SLC4A8: variants seen among roughly 807,000 people sequenced by gnomAD.
SLC4A8 encodes electroneutral sodium bicarbonate exchanger 1.
Under a neutral mutation model 125.0 loss-of-function variants are expected in SLC4A8, and 40 were observed. That is an observed-to-expected ratio of 0.32 (90% CI 0.25 to 0.42). The LOEUF is 0.42. Ranked by LOEUF, SLC4A8 falls within the 10% of genes least tolerant of loss-of-function variation. The pLI, the probability that SLC4A8 is intolerant of heterozygous loss-of-function variation, is 1.00. For missense variants in SLC4A8, 863 were observed against 1,355.1 expected (o/e 0.64, Z 5.70); for synonymous variants, 456 against 476.0 (o/e 0.96, Z 0.55).
At chr12:51,422,067 T>A (rs1441295089), upstream of SLC4A8, 1 of 152,220 alleles carries the variant, frequency 6.6e-6, no homozygotes, top group Non-Finnish European at 1.5e-5. Flanking sequence ...GCACGATACA[T>A]AGGTTCTCAG....
chr12:51,469,599 G>T lies in SLC4A8; in HGVS notation c.1350-15G>T. On this transcript the variant is annotated splice_polypyrimidine_tract_variant and intron_variant, in intron 11 of 24. Coordinates refer to ENST00000453097, the MANE Select transcript of SLC4A8 (RefSeq NM_001039960.3). ...GACGGACTGTGTTAGAAGCCTGTCTGTTGTGTTTCCACAGGCTATTTGGGG... is the reference window on the plus strand; with the variant it reads ...GACGGACTGTGTTAGAAGCCTGTCTTTTGTGTTTCCACAGGCTATTTGGGG... 1 of 1,611,296 alleles carries T rather than the reference G, an allele frequency of 6.2e-7. No individual in the cohort carries two copies. The highest frequency in any genetic ancestry group is 8.5e-7 in the Non-Finnish European group (1 of 1,178,640).
At chr12:51,497,710 T>C (rs372380203) in intron 22 of SLC4A8, 4 of 152,348 alleles carry the variant, frequency 2.6e-5, no homozygotes, top group South Asian at 4.1e-4. Flanking sequence ...CCTAAAATAG[T>C]GTCCTTTGAA....
upstream of SLC4A8, among the ~76,000 whole-genome samples, chr12:51,421,242 G>C (rs1948783961): frequency 6.6e-6 from 1 of 152,192 alleles, no homozygotes; most frequent in Admixed American, 6.5e-5. Context: ...GCCAGGCTGA[G>C]AGCCATGTGT....
At chr12:51,466,051 T>G (rs1950504882) in intron 11 of SLC4A8, among the ~76,000 whole-genome samples, 1 of 152,122 alleles carries the variant, frequency 6.6e-6, no homozygotes, top group Non-Finnish European at 1.5e-5. Context: ...AATGTTATCC[T>G]TGTTGGATGG....
intron 10 of SLC4A8, 59 bp downstream of exon 10, chr12:51,462,515 C>T (rs1163863479): frequency 1.4e-6 from 2 of 1,399,686 alleles, no homozygotes; most frequent in African/African-American, 2.9e-5. Context: ...CCACCATGGA[C>T]AAAGCAAAGA....
intron 3 of SLC4A8, among the ~76,000 whole-genome samples, chr12:51,451,353 C>T (rs896711347): frequency 6.6e-6 from 1 of 152,140 alleles, no homozygotes; most frequent in African/African-American, 2.4e-5. Flanking sequence ...TCGTGATCCG[C>T]CTGCCTTGAC....
chr12:51,468,500 C>T (rs1950589545), intron 11 of SLC4A8, among the ~76,000 whole-genome samples: 1 of 152,206 alleles, frequency 6.6e-6, no homozygotes, highest in African/African-American at 2.4e-5. Context: ...TGGCTCATGC[C>T]TGTAATCCCA....
At chr12:51,477,344 CG>C (rs1356405884) in intron 16 of SLC4A8, among the ~76,000 whole-genome samples, 2 of 152,112 alleles carry the variant, frequency 1.3e-5, no homozygotes, top group Admixed American at 6.5e-5. Flanking sequence ...AAAGGCTAAA[CG>C]GTTGGTATTA....
chr12:51,419,308 A>T lies in SLC4A8; in HGVS notation c.-111-21400A>T, dbSNP rs1279662907. ...GGGTATTGAATTTGCTGCCACCTTA[A>T]AGCTGTCCCAGGCCTATGGGCTAAA... On this transcript the variant is annotated intron_variant, in intron 1 of 24. Coordinates refer to the SLC4A8 transcript ENST00000358657. 2.0e-5 allele frequency among the ~76,000 whole-genome samples: 3 copies of T among 152,324 alleles called. No individual in the cohort carries two copies. In the East Asian group the frequency reaches 5.8e-4, roughly 29 times the overall value.
At chr12:51,475,265 C>T in intron 16 of SLC4A8, 59 bp downstream of exon 16, 1 of 1,546,224 alleles carries the variant, frequency 6.5e-7, no homozygotes. Context: ...AGAACCTTTT[C>T]TCAGCCTTCA....
At position 51,511,701 on chromosome 12, in the gene SLC4A8, A is replaced by G. The variant is rs889187215; in HGVS notation, c.*4263A>G. The G allele has an allele frequency of 6.6e-6, 1 of 152,226 alleles. No individual in the cohort carries two copies. Among genetic ancestry groups the G allele is most frequent in the Non-Finnish European group, 1.5e-5 (1 of 68,066 alleles). The allele number at this position is 152,226 out of a possible 1,614,324, so 9.4% of individuals were successfully genotyped here. ...ACTGCCCCTGGCCTCAAAATCTTTAAGGAAGTTATTTATCGTCACAAGTGT... is the reference window on the plus strand; with the variant it reads ...ACTGCCCCTGGCCTCAAAATCTTTAGGGAAGTTATTTATCGTCACAAGTGT... On this transcript the variant is annotated 3_prime_UTR_variant, in exon 25 of 25. Coordinates refer to ENST00000453097, the MANE Select transcript of SLC4A8 (RefSeq NM_001039960.3).
At chr12:51,469,922 C>T (rs1950643466) in intron 12 of SLC4A8, 134 bp downstream of exon 12, 2 of 718,622 alleles carry the variant, frequency 2.8e-6, no homozygotes, top group Admixed American at 5.4e-5. Context: ...TTACCATGGT[C>T]TTCTGACATC....
At chr12:51,480,523 C>G (rs1736803736) in intron 16 of SLC4A8, 1 of 995,996 alleles carries the variant, frequency 1.0e-6, no homozygotes, top group Non-Finnish European at 1.2e-6. Context: ...TGTGGATGTT[C>G]ATGTGAAAGA....
At chr12:51,392,571 C>CAAAAAAAA (rs35992841) in intron 1 of SLC4A8, among the ~76,000 whole-genome samples, 3 of 119,220 alleles carry the variant, frequency 2.5e-5, no homozygotes, top group African/African-American at 6.6e-5. Context: ...GATTCCGTAT[C>CAAAAAAAA]AAAAAAAAAA....
chr12:51,484,510 G>A (rs1951113890), intron 16 of SLC4A8, among the ~76,000 whole-genome samples: 1 of 152,184 alleles, frequency 6.6e-6, no homozygotes, highest in South Asian at 2.1e-4. Context: ...GGGATGGGGA[G>A]GCAGTGGATA....
intron 1 of SLC4A8, among the ~76,000 whole-genome samples, chr12:51,425,862 T>G (rs1948954456): frequency 6.6e-6 from 1 of 152,232 alleles, no homozygotes. Flanking sequence ...TTCACAGGGT[T>G]GTTTTGAGGA....
rs900240053 is a variant in SLC4A8 at position 51,469,488 on chromosome 12, G to A, written c.1350-126G>A. On this transcript the variant is annotated intron_variant, in intron 11 of 24. Transcript: ENST00000453097. ...GACCTAAGAGAGTTATCTGTACTGG[G>A]GTCAAACTGAAGCCAAAGTCTTACC... The A allele has an allele frequency of 1.6e-5, 12 of 738,688 alleles. No individual in the cohort carries two copies. In the African/African-American group the frequency reaches 2.1e-4, roughly 13 times the overall value. 45.8% of individuals were successfully genotyped at this position (738,688 alleles called of 1,614,324 possible). A position where few individuals can be genotyped will look rare whatever the true frequency, so the allele number is the denominator to read the frequency against.
rs186914716 is a variant in SLC4A8, at chr12:51,462,144, A to C, written c.1102-166A>C. ...TCTCATTTCCACGCTTGTTTTTTAAATCCTTTTATCCTTGCACTTCTCTAA... is the reference window on the plus strand; with the variant it reads ...TCTCATTTCCACGCTTGTTTTTTAACTCCTTTTATCCTTGCACTTCTCTAA... On this transcript the variant is annotated intron_variant, in intron 9 of 24. Coordinates refer to ENST00000453097, the MANE Select transcript of SLC4A8 (RefSeq NM_001039960.3). 4.9e-4 allele frequency: 304 copies of C among 622,974 alleles called. 7 individuals are homozygous for C. The East Asian group carries it at 5.7e-3, about 12-fold the overall frequency. 38.6% of individuals were successfully genotyped at this position (622,974 alleles called of 1,614,324 possible).
chr12:51,482,374 G>T (rs1381578774), intron 16 of SLC4A8, among the ~76,000 whole-genome samples: 1 of 151,462 alleles, frequency 6.6e-6, no homozygotes, highest in African/African-American at 2.4e-5. Flanking sequence ...TTAGACATAG[G>T]GGTAACGTAC....
Sources: allele counts gnomAD v4.1 joint callset (sites outside exome capture counted in the v4.1 genomes callset), GRCh38; gene constraint gnomAD v4.1.1; transcripts MANE v1.5; gene names NCBI Gene and HGNC (gene_info 2026-07-23, HGNC 2026-07-21).